CPEB4: variants seen among roughly 807,000 people sequenced by gnomAD.
CPEB4 encodes the protein cytoplasmic polyadenylation element binding protein 4.
A neutral mutation model predicts 72.5 loss-of-function variants in CPEB4; 12 were observed. That is an observed-to-expected ratio of 0.17 (90% CI 0.11 to 0.27). CPEB4 has a LOEUF of 0.27. CPEB4 is among the 10% of genes least tolerant of loss of function. CPEB4 has a pLI of 1.00. For missense variants in CPEB4, 614 were observed against 908.5 expected, an observed-to-expected ratio of 0.68 and a Z score of 4.17; for synonymous variants, 302 against 326.3, an observed-to-expected ratio of 0.93 and a Z score of 0.80.
At chr5:173,954,131 CA>C (rs1347672680) in intron 9 of CPEB4, among the ~76,000 whole-genome samples, 1 of 152,130 alleles carries the variant, frequency 6.6e-6, no homozygotes, top group Non-Finnish European at 1.5e-5. Flanking sequence ...TGATATCCAT[CA>C]CTCTGAGGCA....
In CPEB4 at chr5:173,890,072, A is replaced by G; in HGVS notation, c.339A>G (p.Ala113=). The G allele has an allele frequency of 6.2e-7, 1 of 1,614,182 alleles. No homozygotes were observed. The highest frequency in any genetic ancestry group is 8.5e-7 in the Non-Finnish European group (1 of 1,180,026). ...EAGILPETEK[A]KSEENQGDNS... ...GAATACTGCCTGAAACAGAGAAGGC[A>G]AAATCAGAAGAAAATCAAGGGGACA... Residue 113 remains alanine (A), a synonymous_variant, in exon 1 of 10, where the codon GCA becomes GCG. Transcript: ENST00000265085.
intron 8 of CPEB4, 55 bp downstream of exon 8, chr5:173,951,993 T>A: frequency 1.6e-3 from 1,519 of 936,744 alleles, no homozygotes; most frequent in Non-Finnish European, 2.5e-3. Context: ...AATATGAAGA[T>A]CTTCAGGATA....
At position 173,888,545 on chromosome 5, in the gene CPEB4, G is replaced by A; in HGVS notation, c.-1189G>A. The A allele has an allele frequency of 2.5e-6, 1 of 403,438 alleles. No homozygotes were observed. Among genetic ancestry groups the A allele is most frequent in the Non-Finnish European group, 4.4e-6 (1 of 229,262 alleles). 25.0% of individuals were successfully genotyped at this position (403,438 alleles called of 1,614,324 possible). On this transcript the variant is annotated 5_prime_UTR_variant, in exon 1 of 10. Coordinates refer to ENST00000265085, the MANE Select transcript of CPEB4 (RefSeq NM_030627.4). This position sits in a 1 kb window ranked among gnomAD's most constrained non-coding sequence, Gnocchi z 4.3. ...GCGGGACCAGGGTAAAGCGGCGACGGCGGCGACGGCCCAGCAACCGTGAGG... is the reference window on the plus strand; with the variant it reads ...GCGGGACCAGGGTAAAGCGGCGACGACGGCGACGGCCCAGCAACCGTGAGG...
intron 1 of CPEB4, among the ~76,000 whole-genome samples, chr5:173,901,834 A>T (rs151317513): frequency 6.6e-6 from 1 of 152,222 alleles, no homozygotes; most frequent in African/African-American, 2.4e-5. Flanking sequence ...ATCAGTGGCG[A>T]TGGCTTTACG....
intron 2 of CPEB4, among the ~76,000 whole-genome samples, chr5:173,913,541 CCATCAGTTTTAGCCAGGA>C (rs1756757335): frequency 6.6e-6 from 1 of 152,156 alleles, no homozygotes; most frequent in African/African-American, 2.4e-5. Flanking sequence ...ATTTCCTTGG[CCATCAGTTTTAGCCAGGA>C]CATCTCTATC....
At chr5:173,945,448 G>C (rs1757986019) in intron 5 of CPEB4, among the ~76,000 whole-genome samples, 1 of 151,954 alleles carries the variant, frequency 6.6e-6, no homozygotes, top group Non-Finnish European at 1.5e-5. Flanking sequence ...GTCTGTGTGT[G>C]CTACTTTGGA....
At chr5:173,932,422 C>G (rs370585608) in intron 2 of CPEB4, 28 bp from the exon 3 acceptor site, 12 of 1,595,026 alleles carry the variant, frequency 7.5e-6, no homozygotes, top group Non-Finnish European at 1.0e-5. Flanking sequence ...AAAAAGTAAA[C>G]TTAGTAACGG....
At chr5:173,938,941 T>C (rs902852471) in intron 3 of CPEB4, among the ~76,000 whole-genome samples, 2 of 152,186 alleles carry the variant, frequency 1.3e-5, no homozygotes, top group African/African-American at 4.8e-5. Context: ...ATGCCTTCTT[T>C]CCTCTTTCTA....
At chr5:173,911,787 TTCAG>T (rs1367751402) in intron 2 of CPEB4, among the ~76,000 whole-genome samples, 12 of 151,282 alleles carry the variant, frequency 7.9e-5, no homozygotes, top group Non-Finnish European at 1.3e-4. Flanking sequence ...CATTCATTCA[TTCAG>T]TGATTCAATG....
Position 173,901,674 on chromosome 5 carries a change from T to C in CPEB4, c.1126-8849T>C, listed in dbSNP as rs1756237827. 2.6e-5 allele frequency among the ~76,000 whole-genome samples: 4 copies of C among 152,290 alleles called. No individual in the cohort carries two copies. The South Asian group carries it at 8.3e-4, about 32-fold the overall frequency. ...GACTTTGTAGGGCAATTAGTTAACT[T>C]CTCCTAGCTTCATTTGCCTACGATG... is the stretch of plus-strand genomic sequence containing the variant. On this transcript the variant is annotated intron_variant, in intron 1 of 9. Transcript: ENST00000265085.
chr5:173,889,771 A>G lies in CPEB4; in HGVS notation c.38A>G (p.Asn13Ser), dbSNP rs1469671088. 6.2e-7 allele frequency: 1 copy of G among 1,613,268 alleles called. No homozygotes were observed. Among genetic ancestry groups the G allele is most frequent in the Non-Finnish European group, 8.5e-7 (1 of 1,179,652 alleles). Reference sequence around the variant, plus strand: ...GGGTTTGGAGTGCTAGTGCAAAGCAATACTGGGAATAAATCTGCTTTTCCA... The same window carrying G: ...GGGTTTGGAGTGCTAGTGCAAAGCAGTACTGGGAATAAATCTGCTTTTCCA... ...DYGFGVLVQS[N>S]TGNKSAFPVR... The change falls in exon 1 of 10, where the codon AAT becomes AGT. Residue 13 changes from asparagine to serine, a missense_variant. Asn to Ser is a conservative substitution (Grantham distance 46). Transcript: ENST00000265085.
rs2113104519 is a variant in CPEB4 at position 173,888,509 on chromosome 5, C to CA, written c.-1224dup. The stretch of plus-strand genomic sequence containing the variant: ...AACCAGGAGGAGTCCTCAACAACGA[C>CA]AGCGGGGACTGCGGGACCAGGGTAA... On this transcript the variant is annotated 5_prime_UTR_variant, in exon 1 of 10. Transcript: ENST00000265085. The surrounding 1 kb of genome is among the most constrained non-coding windows in gnomAD (Gnocchi z 4.3). 1 of 408,570 alleles carries CA rather than the reference C, an allele frequency of 2.4e-6. No individual in the cohort carries two copies. The highest frequency in any genetic ancestry group is 3.5e-5 in the East Asian group (1 of 28,370). 25.3% of individuals were successfully genotyped at this position (408,570 alleles called of 1,614,324 possible).
intron 2 of CPEB4, among the ~76,000 whole-genome samples, chr5:173,929,583 C>T (rs2113229452): frequency 6.6e-6 from 1 of 152,206 alleles, no homozygotes; most frequent in East Asian, 1.9e-4. Context: ...TTGGTAGTCC[C>T]AGTCACTTGG....
At chr5:173,944,442 TCC>T (rs2113275033) in intron 4 of CPEB4, among the ~76,000 whole-genome samples, 1 of 142,554 alleles carries the variant, frequency 7.0e-6, no homozygotes, top group African/African-American at 2.7e-5. Flanking sequence ...GCCACTGTAC[TCC>T]AGCCTGGGTA....
At position 173,951,878 on chromosome 5, in the gene CPEB4, C is replaced by A; in HGVS notation, c.1720C>A (p.Gln574Lys). The A allele has an allele frequency of 1.2e-6, 2 of 1,613,958 alleles. No individual in the cohort carries two copies. The highest frequency in any genetic ancestry group is 1.7e-6 in the Non-Finnish European group (2 of 1,179,874). Residue 574 changes from glutamine (Q) to lysine (K), a missense_variant, in exon 8 of 10, where the codon CAG (glutamine) becomes AAG (lysine). This residue lies in a region of CPEB4 where 101 missense variants were observed against 243.1 expected (regional missense o/e 0.42). Transcript: ENST00000265085. ...CAGTGACTTTGTGATGGATGGTTCA[C>A]AGCCACTTGACCCACGAAAAACTAT... ...SDSDFVMDGS[Q>K]PLDPRKTIFV...
At chr5:173,919,069 TGTA>T (rs1561616454) in intron 2 of CPEB4, among the ~76,000 whole-genome samples, 1 of 152,204 alleles carries the variant, frequency 6.6e-6, no homozygotes, top group Non-Finnish European at 1.5e-5. Context: ...TCTTTTCAGT[TGTA>T]GTAAAGTTCC....
At chr5:173,927,907 A>G (rs189492147) in intron 2 of CPEB4, among the ~76,000 whole-genome samples, 18 of 152,368 alleles carry the variant, frequency 1.2e-4, no homozygotes, top group Admixed American at 1.1e-3. Context: ...GATACCCTTC[A>G]GTAGGTGAAT....
chr5:173,926,730 C>CCAAG (rs1393538701), intron 2 of CPEB4, among the ~76,000 whole-genome samples: 1 of 152,204 alleles, frequency 6.6e-6, no homozygotes, highest in East Asian at 1.9e-4. Flanking sequence ...AAAATCAATA[C>CCAAG]CAAGAGCCTT....
rs1758538967 is a variant in CPEB4 at position 173,961,162 on chromosome 5, G to A, written c.*5025G>A. 1 of 152,144 alleles carries A rather than the reference G, an allele frequency of 6.6e-6. No homozygotes were observed. The highest frequency in any genetic ancestry group is 2.1e-4 in the South Asian group (1 of 4,822). 9.4% of individuals were successfully genotyped at this position (152,144 alleles called of 1,614,324 possible). A position where few individuals can be genotyped will look rare whatever the true frequency, so the allele number is the denominator to read the frequency against. ...GATTACTGAGGGTAAGGGCAGGCTG[G>A]ACAGCTTCCCCTTTCTCTCATCTGG... On this transcript the variant is annotated 3_prime_UTR_variant, in exon 10 of 10. Coordinates refer to ENST00000265085, the MANE Select transcript of CPEB4 (RefSeq NM_030627.4).
Sources: gnomAD v4.1 joint callset for allele counts (sites outside exome capture counted in the v4.1 genomes callset) on GRCh38, gnomAD v4.1.1 for gene constraint, gnomAD v4.1.1 regional missense constraint, Gnocchi (gnomAD v3.1) non-coding constraint, MANE v1.5 for transcripts, NCBI Gene and HGNC (gene_info 2026-07-23, HGNC 2026-07-21) for gene names.